Variants in CLDN14 observed in about 807,000 individuals in gnomAD.
CLDN14 encodes the protein claudin 14.
A neutral mutation model predicts 2.1 loss-of-function variants in CLDN14; 2 were observed. The ratio of observed to expected loss-of-function variants is 0.96; its 90% CI spans 0.39 to 3.01. CLDN14 has a LOEUF of 3.01. Among genes scored for constraint, CLDN14 ranks in the 30% most tolerant of loss-of-function variants. The pLI, the probability that CLDN14 is intolerant of heterozygous loss-of-function variation, is 0.09. For missense variants in CLDN14, 298 were observed against 328.0 expected (o/e 0.91, Z 0.71); for synonymous variants, 136 against 154.4 (o/e 0.88, Z 0.88).
At chr21:36,470,934 C>T (rs924607068) in intron 1 of CLDN14, among the ~76,000 whole-genome samples, 9 of 152,364 alleles carry the variant, frequency 5.9e-5, no homozygotes, top group African/African-American at 1.9e-4. Context: ...AGAGATTGTG[C>T]CACTGCACTC....
chr21:36,538,689 C>T (rs886099741), intron 1 of CLDN14, among the ~76,000 whole-genome samples: 4 of 152,154 alleles, frequency 2.6e-5, no homozygotes, highest in Admixed American at 2.6e-4. Context: ...CAGCAGCAGT[C>T]GGTAAGAGAA....
intron 1 of CLDN14, among the ~76,000 whole-genome samples, chr21:36,568,229 T>C (rs2087686256): frequency 6.6e-6 from 1 of 152,006 alleles, no homozygotes; most frequent in South Asian, 2.1e-4. Flanking sequence ...GCTGCTAAGG[T>C]GGACAAAGGG....
intron 1 of CLDN14, among the ~76,000 whole-genome samples, chr21:36,537,839 G>A (rs553445397): frequency 2.0e-5 from 3 of 151,964 alleles, no homozygotes; most frequent in Admixed American, 1.3e-4. Context: ...TAGTAAAGAC[G>A]GGGTTTCACC....
At chr21:36,522,758 A>G (rs1006636426) in intron 1 of CLDN14, among the ~76,000 whole-genome samples, 4 of 152,148 alleles carry the variant, frequency 2.6e-5, no homozygotes, top group Non-Finnish European at 5.9e-5. Context: ...TGCTGAAGGT[A>G]AGTTTGAGAG....
chr21:36,525,904 G>A (rs1406476226), intron 1 of CLDN14, among the ~76,000 whole-genome samples: 1 of 152,158 alleles, frequency 6.6e-6, no homozygotes, highest in Non-Finnish European at 1.5e-5. Flanking sequence ...CGGGAGGATT[G>A]CTTGGAACGT....
rs899096553 is a variant in CLDN14, at chr21:36,544,992, G to A, written c.-220+31419C>T. On this transcript the variant is annotated intron_variant, in intron 1 of 2. Coordinates refer to the CLDN14 transcript ENST00000342108. The surrounding 1 kb of genome is among the most constrained non-coding windows in gnomAD (Gnocchi z 4.1). ...GTGCCCTAGCATTTGTGGATACTAA[G>A]TGAAAAGAGGTTGCATCTCTGTTGG... 9.9e-5 allele frequency among the ~76,000 whole-genome samples: 15 copies of A among 152,204 alleles called. No homozygotes were observed. Among genetic ancestry groups the A allele is most frequent in the African/African-American group, 3.6e-4 (15 of 41,446 alleles).
At chr21:36,556,497 G>GATCTGC in intron 1 of CLDN14, among the ~76,000 whole-genome samples, 1 of 152,154 alleles carries the variant, frequency 6.6e-6, no homozygotes, top group East Asian at 1.9e-4. Context: ...TGGAGGTCTG[G>GATCTGC]CTCTGCCTCT....
At chr21:36,506,178 T>C (rs1312689241) in intron 2 of CLDN14, among the ~76,000 whole-genome samples, 1 of 152,228 alleles carries the variant, frequency 6.6e-6, no homozygotes, top group Non-Finnish European at 1.5e-5. Context: ...CACAGATTAG[T>C]ATGCACCATT....
rs575960972 is a variant in CLDN14, at chr21:36,551,741, A to C, written c.-220+24670T>G. 9.5e-4 allele frequency among the ~76,000 whole-genome samples: 144 copies of C among 152,128 alleles called. 1 individual carries two copies. Among genetic ancestry groups the C allele is most frequent in the African/African-American group, 3.3e-3 (135 of 41,496 alleles). ...CTGTAGGATCACAGCAGGGGGACAA[A>C]TTTTCACGTGAAAAGAACAATCACA... On this transcript the variant is annotated intron_variant, in intron 1 of 2. Transcript: ENST00000342108. The surrounding 1 kb of genome is among the most constrained non-coding windows in gnomAD (Gnocchi z 4.8).
chr21:36,559,867 T>A (rs1311724218), intron 1 of CLDN14, among the ~76,000 whole-genome samples: 2 of 152,226 alleles, frequency 1.3e-5, no homozygotes, highest in Non-Finnish European at 2.9e-5. Context: ...TAATCAGTTT[T>A]TCATGATCAA....
At chr21:36,493,240 TG>T (rs1236013466) in intron 2 of CLDN14, among the ~76,000 whole-genome samples, 2 of 152,164 alleles carry the variant, frequency 1.3e-5, no homozygotes, top group Non-Finnish European at 2.9e-5. Flanking sequence ...TCCTGGTCTC[TG>T]GGTCCACCCC....
At chr21:36,461,814 G>A in intron 1 of CLDN14, 38 bp from the exon 2 acceptor site, 6 of 1,362,740 alleles carry the variant, frequency 4.4e-6, no homozygotes, top group Non-Finnish European at 6.0e-6. Flanking sequence ...GGGAGAGAAA[G>A]GAAATGGGTT....
chr21:36,560,482 A>C (rs924929179), intron 1 of CLDN14, among the ~76,000 whole-genome samples: 6 of 152,150 alleles, frequency 3.9e-5, no homozygotes, highest in Non-Finnish European at 7.3e-5. Context: ...GGAGGTGCAA[A>C]TATCTGAGAT....
chr21:36,461,771 G>A lies in CLDN14; in HGVS notation c.-76C>T, dbSNP rs557122405. The A allele has an allele frequency of 7.9e-4, 1,209 of 1,528,194 alleles. 1 individual carries two copies. The highest frequency in any genetic ancestry group is 1.0e-3 in the Non-Finnish European group (1,140 of 1,138,564). 94.7% of individuals were successfully genotyped at this position (1,528,194 alleles called of 1,614,324 possible). On this transcript the variant is annotated 5_prime_UTR_variant, in exon 2 of 2. Coordinates refer to ENST00000399135, the MANE Select transcript of CLDN14 (RefSeq NM_001146079.2). ...TCACGCCGCTCCTCAGGTGCCAGCC[G>A]GAGCCCTAATGAAGCCAAGGGAGGC...
At chr21:36,571,607 T>C (rs1185119704) in intron 1 of CLDN14, among the ~76,000 whole-genome samples, 1 of 152,094 alleles carries the variant, frequency 6.6e-6, no homozygotes, top group Non-Finnish European at 1.5e-5. Context: ...TCCAGTGAGA[T>C]GAAGGGGGTG....
chr21:36,479,055 T>C lies in CLDN14; in HGVS notation c.-82+440A>G, dbSNP rs192191224. Among the ~76,000 whole-genome samples, 187 of 152,216 alleles carry C rather than the reference T, an allele frequency of 1.2e-3. 1 individual carries two copies. The Middle Eastern group carries it at 0.014, about 11-fold the overall frequency. On this transcript the variant is annotated intron_variant, in intron 1 of 1. Coordinates refer to ENST00000399135, the MANE Select transcript of CLDN14 (RefSeq NM_001146079.2). ...GGGAGCAGGAGAATGTTCCCAAGTC[T>C]GGAAACTCGGAACAGTCTGCCTGGC...
chr21:36,483,757 C>A (rs2086869541), upstream of CLDN14, among the ~76,000 whole-genome samples: 1 of 152,176 alleles, frequency 6.6e-6, no homozygotes, highest in Admixed American at 6.5e-5. Flanking sequence ...TTTGTCACCC[C>A]TTCCTGGAGA....
chr21:36,553,346 AG>A (rs1275041033), intron 1 of CLDN14, among the ~76,000 whole-genome samples: 1 of 152,076 alleles, frequency 6.6e-6, no homozygotes, highest in Non-Finnish European at 1.5e-5. Flanking sequence ...TCAACACAGG[AG>A]GGGGCCAGCT....
chr21:36,510,287 A>G (rs1031461013), intron 2 of CLDN14: 1 of 152,218 alleles, frequency 6.6e-6, no homozygotes, highest in African/African-American at 2.4e-5. Context: ...AATCATAATT[A>G]TAATGCTACA....
Sources: allele counts gnomAD v4.1 joint callset (sites outside exome capture counted in the v4.1 genomes callset), GRCh38; gene constraint gnomAD v4.1.1; non-coding constraint Gnocchi (gnomAD v3.1); transcripts MANE v1.5; gene names NCBI Gene and HGNC (gene_info 2026-07-23, HGNC 2026-07-21).